The following LRRC4C variants were observed in gnomAD, a reference collection of about 807,000 sequenced individuals.
LRRC4C encodes the protein leucine-rich repeat-containing protein 4C.
LRRC4C carries 5 observed loss-of-function variants against 33.6 expected under a neutral mutation model. The observed-to-expected ratio is 0.15, with a 90% confidence interval of 0.08 to 0.31. LRRC4C has a LOEUF of 0.31. LRRC4C is among the 10% of genes least tolerant of loss of function. LRRC4C has a pLI of 1.00. For missense variants in LRRC4C, 560 were observed against 796.7 expected (o/e 0.70, Z 3.58); for synonymous variants, 329 against 302.0 (o/e 1.09, Z -0.93).
At chr11:40,814,580 G>T (rs1482502401) in intron 2 of LRRC4C, among the ~76,000 whole-genome samples, 1 of 151,920 alleles carries the variant, frequency 6.6e-6, no homozygotes, top group African/African-American at 2.4e-5. Context: ...AATTTCTGCA[G>T]CAGGCTTGAA....
At chr11:40,823,375 G>T (rs927942097) in intron 2 of LRRC4C, among the ~76,000 whole-genome samples, 1 of 151,468 alleles carries the variant, frequency 6.6e-6, no homozygotes, top group Non-Finnish European at 1.5e-5. Flanking sequence ...AGAAGACAAG[G>T]AATGATTTCC....
intron 5 of LRRC4C, among the ~76,000 whole-genome samples, chr11:40,161,273 A>G (rs1859131337): frequency 6.6e-6 from 1 of 152,178 alleles, no homozygotes; most frequent in Non-Finnish European, 1.5e-5. Flanking sequence ...CATGCTTTAC[A>G]TTTTGTTAAT....
chr11:41,263,717 C>A (rs1259203786), intron 1 of LRRC4C, among the ~76,000 whole-genome samples: 1 of 152,070 alleles, frequency 6.6e-6, no homozygotes, highest in Non-Finnish European at 1.5e-5. Flanking sequence ...GGGTAACAGT[C>A]AACTTATTTG....
intron 1 of LRRC4C, among the ~76,000 whole-genome samples, chr11:41,003,140 T>C (rs188420433): frequency 6.6e-6 from 1 of 152,296 alleles, no homozygotes; most frequent in Non-Finnish European, 1.5e-5. Flanking sequence ...ATGAGAACTG[T>C]AAACTAAATA....
intron 5 of LRRC4C, among the ~76,000 whole-genome samples, chr11:40,218,338 C>T (rs1427659459): frequency 1.3e-5 from 2 of 151,980 alleles, no homozygotes; most frequent in African/African-American, 2.4e-5. Context: ...AATAACTTTG[C>T]TAGGGCAAGA....
chr11:41,198,070 T>A (rs150860275), intron 1 of LRRC4C, among the ~76,000 whole-genome samples: 27 of 152,116 alleles, frequency 1.8e-4, no homozygotes, highest in Admixed American at 1.3e-3. Context: ...CTAAGTGGGA[T>A]TTAAAATATT....
chr11:41,352,560 G>A (rs913489011), intron 1 of LRRC4C, among the ~76,000 whole-genome samples: 2 of 152,012 alleles, frequency 1.3e-5, no homozygotes, highest in Admixed American at 6.6e-5. Flanking sequence ...CTGAACAACA[G>A]AATAGACAGT....
chr11:41,387,519 T>C (rs1953408518), intron 1 of LRRC4C, among the ~76,000 whole-genome samples: 1 of 151,584 alleles, frequency 6.6e-6, no homozygotes, highest in Admixed American at 6.6e-5. Flanking sequence ...AATGAGATGG[T>C]TATTTATATC....
chr11:40,325,767 C>T (rs767655643), intron 3 of LRRC4C, among the ~76,000 whole-genome samples: 9 of 152,074 alleles, frequency 5.9e-5, no homozygotes, highest in Non-Finnish European at 1.0e-4. Flanking sequence ...CAGAAACTGT[C>T]ATTTTCCAGC....
intron 1 of LRRC4C, among the ~76,000 whole-genome samples, chr11:40,958,272 C>A (rs561304738): frequency 5.8e-4 from 88 of 151,732 alleles, no homozygotes; most frequent in Non-Finnish European, 1.0e-3. Context: ...TAATTAACTT[C>A]TTTATGCTCT....
chr11:40,613,982 A>G lies in LRRC4C; in HGVS notation c.-270+34160T>C, dbSNP rs542845119. Among the ~76,000 whole-genome samples, 6 of 151,996 alleles carry G rather than the reference A, an allele frequency of 3.9e-5. No individual in the cohort carries two copies. In the South Asian group the frequency reaches 1.0e-3, roughly 26 times the overall value. The stretch of plus-strand genomic sequence containing the variant: ...GCTGTCATCCAGATTTTGTTGTCTC[A>G]TGTGTAGATCACAGGCAGAGTAGAT... On this transcript the variant is annotated intron_variant, in intron 3 of 6. Transcript: ENST00000528697.
intron 2 of LRRC4C, among the ~76,000 whole-genome samples, chr11:40,666,517 T>C (rs76973992): frequency 6.6e-6 from 1 of 152,068 alleles, no homozygotes; most frequent in African/African-American, 2.4e-5. Context: ...ATCTGATTGG[T>C]GGGTACACAT....
chr11:41,310,394 T>C (rs1319813804), intron 1 of LRRC4C, among the ~76,000 whole-genome samples: 2 of 152,234 alleles, frequency 1.3e-5, no homozygotes, highest in Non-Finnish European at 2.9e-5. Flanking sequence ...TATGTAAAGT[T>C]AGAGACTGGA....
intron 3 of LRRC4C, among the ~76,000 whole-genome samples, chr11:40,325,309 A>C (rs1402882581): frequency 1.3e-5 from 2 of 152,112 alleles, no homozygotes; most frequent in Non-Finnish European, 2.9e-5. Context: ...GCTTTGACTC[A>C]CTCCAGGAAA....
In LRRC4C at chr11:40,936,040, AT is replaced by A. The variant is rs1565219267; in HGVS notation, c.-495-2318del. 1.3e-3 allele frequency among the ~76,000 whole-genome samples: 87 copies of A among 68,090 alleles called. 2 individuals are homozygous for A. Among genetic ancestry groups the A allele is most frequent in the East Asian group, 9.1e-3 (21 of 2,304 alleles). The allele number at this position is 68,090 out of a possible 152,430, so 44.7% of individuals were successfully genotyped here. A position where few individuals can be genotyped will look rare whatever the true frequency, so the allele number is the denominator to read the frequency against. On this transcript the variant is annotated intron_variant, in intron 1 of 6. Transcript: ENST00000528697. ...TATATATATATATATATATATATAT[AT>A]ATATATATATATATATATATATATA...
chr11:41,085,678 T>C (rs902416566), intron 1 of LRRC4C, among the ~76,000 whole-genome samples: 13 of 151,998 alleles, frequency 8.6e-5, no homozygotes, highest in African/African-American at 2.7e-4. Context: ...TGGAAATGTT[T>C]CTAAGAAAGC....
intron 1 of LRRC4C, among the ~76,000 whole-genome samples, chr11:41,252,295 A>G (rs1411202965): frequency 6.6e-6 from 1 of 152,154 alleles, no homozygotes; most frequent in Non-Finnish European, 1.5e-5. Flanking sequence ...ACCTTTTAAT[A>G]GAAACTAGGA....
chr11:41,207,200 C>G (rs1183421682), intron 1 of LRRC4C, among the ~76,000 whole-genome samples: 2 of 152,118 alleles, frequency 1.3e-5, no homozygotes, highest in Non-Finnish European at 2.9e-5. Flanking sequence ...AATTTACAAT[C>G]ACATGGGGAG....
chr11:41,344,341 C>T (rs1480180729), intron 1 of LRRC4C, among the ~76,000 whole-genome samples: 2 of 151,802 alleles, frequency 1.3e-5, no homozygotes, highest in African/African-American at 4.8e-5. Flanking sequence ...CTGCTTCAGC[C>T]TCCCGAGTAG....
Sources: gnomAD v4.1 joint callset for allele counts (sites outside exome capture counted in the v4.1 genomes callset) on GRCh38, gnomAD v4.1.1 for gene constraint, MANE v1.5 for transcripts, NCBI Gene and HGNC (gene_info 2026-07-23, HGNC 2026-07-21) for gene names.